The following ZNF717 variants were observed in gnomAD, a reference collection of about 807,000 sequenced individuals.
ZNF717 encodes the protein zinc finger protein 717, also known as krueppel-like factor X17.
A neutral mutation model predicts 13.8 loss-of-function variants in ZNF717; 9 were observed. That is an observed-to-expected ratio of 0.65 (90% CI 0.39 to 1.14). ZNF717 has a LOEUF of 1.14. ZNF717 is among the 50% of genes most tolerant of loss of function. ZNF717 has a pLI of 0.01. For synonymous variants in ZNF717, 327 were observed against 364.1 expected (o/e 0.90, Z 1.16); for missense variants, 1,040 against 1,080.7 (o/e 0.96, Z 0.53).
rs543990149 is a variant in ZNF717, at chr3:75,754,089, G to A, written c.58-12353C>T. 5.9e-5 allele frequency among the ~76,000 whole-genome samples: 9 copies of A among 152,338 alleles called. No individual in the cohort carries two copies. The East Asian group carries it at 1.7e-3, about 29-fold the overall frequency. On this transcript the variant is annotated intron_variant, in intron 2 of 4. Transcript: ENST00000652011. Reference sequence around the variant, plus strand: ...CTAGAGTCGTTGCGAGTGTCTGAATGTTTGACCTTCACCAAACACCAAATG... The same window carrying A: ...CTAGAGTCGTTGCGAGTGTCTGAATATTTGACCTTCACCAAACACCAAATG...
intron 6 of ZNF717, among the ~76,000 whole-genome samples, chr3:75,699,045 A>T (rs1256761633): frequency 6.6e-6 from 1 of 152,300 alleles, no homozygotes; most frequent in Non-Finnish European, 1.5e-5. Context: ...GGAGCCTTAC[A>T]ATTCAGTAAC....
In ZNF717 at chr3:75,737,740, A is replaced by C; in HGVS notation, c.1883T>G (p.Phe628Cys). 6.5e-7 allele frequency: 1 copy of C among 1,546,684 alleles called. No individual in the cohort carries two copies. Among genetic ancestry groups the C allele is most frequent in the Non-Finnish European group, 8.7e-7 (1 of 1,143,316 alleles). ...GGTGCTGAGATTTGACTTCTGACGA[A>C]AGGTTTTTCCACATTCATTACATTC... ...PYECNECGKTFRQKSNLSTHQ... is the reference protein window; with the variant it reads ...PYECNECGKTCRQKSNLSTHQ... The change falls in exon 5 of 5, where the codon TTT (phenylalanine) becomes TGT (cysteine). Residue 628 changes from phenylalanine to cysteine, a missense_variant. This residue lies in a region of ZNF717 where 873 missense variants were observed against 832.8 expected (regional missense o/e 1.05). Coordinates refer to ENST00000652011, the MANE Select transcript of ZNF717 (RefSeq NM_001290208.3).
rs1200700873 is a variant in ZNF717 at position 75,738,009 on chromosome 3, G to A, written c.1614C>T (p.Asn538=). The A allele has an allele frequency of 1.3e-5, 17 of 1,341,348 alleles. No individual in the cohort carries two copies. Among genetic ancestry groups the A allele is most frequent in the Middle Eastern group, 2.0e-4 (1 of 5,032 alleles). The allele number at this position is 1,341,348 out of a possible 1,614,324, so 83.1% of individuals were successfully genotyped here. The change falls in exon 5 of 5, where the codon AAC becomes AAT. Residue 538 remains asparagine (N), a synonymous_variant. Transcript: ENST00000652011. The part of the protein sequence containing the change: ...THAGEKPYAC[N]ECGKTYSHKS... ...TGTGGCTATATGTTTTTCCACATTC[G>A]TTACATGCGTATGGTTTTTCCCCAG...
downstream of ZNF717, among the ~76,000 whole-genome samples, chr3:75,709,018 T>TC (rs1245460691): frequency 6.6e-6 from 1 of 151,522 alleles, no homozygotes; most frequent in African/African-American, 2.4e-5. Flanking sequence ...TTTTTTTTTT[T>TC]TAGATGGATT....
chr3:75,707,472 A>G (rs139616910), downstream of ZNF717, among the ~76,000 whole-genome samples: 1,422 of 103,698 alleles, frequency 0.014, no homozygotes, highest in African/African-American at 0.018. Context: ...GGTGGGGTGG[A>G]GCCAAGATGG....
chr3:75,783,488 A>G, intron 1 of ZNF717, 124 bp from the exon 2 acceptor site: 1 of 690,108 alleles, frequency 1.4e-6, no homozygotes, highest in South Asian at 2.0e-5. Context: ...AAAAAGAAAA[A>G]CTTCCCCATG....
At chr3:75,726,935 T>C (rs1249068039), downstream of ZNF717, among the ~76,000 whole-genome samples, 2 of 152,186 alleles carry the variant, frequency 1.3e-5, no homozygotes, top group African/African-American at 2.4e-5. Context: ...ATAATGAACA[T>C]TTTAATCAAT....
intron 5 of ZNF717, chr3:75,711,451 GCTTATTTA>G (rs1415430507): frequency 6.6e-6 from 1 of 150,828 alleles, no homozygotes; most frequent in Non-Finnish European, 1.5e-5. Context: ...AAATCCATCA[GCTTATTTA>G]TTTGAGCTCT....
intron 1 of ZNF717, among the ~76,000 whole-genome samples, chr3:75,783,986 C>T (rs1346045266): frequency 6.6e-6 from 1 of 152,136 alleles, no homozygotes; most frequent in Non-Finnish European, 1.5e-5. Context: ...TGGGCTTTTC[C>T]ATCTGACTTG....
intron 2 of ZNF717, among the ~76,000 whole-genome samples, chr3:75,754,460 C>T (rs1942291547): frequency 6.6e-6 from 1 of 152,052 alleles, no homozygotes; most frequent in Non-Finnish European, 1.5e-5. Flanking sequence ...ATGCTAAGGG[C>T]TCTAATGAAT....
At chr3:75,774,200 A>AAAAAAGAAAG (rs1227599777) in intron 2 of ZNF717, among the ~76,000 whole-genome samples, 327 of 142,168 alleles carry the variant, frequency 2.3e-3, no homozygotes, top group South Asian at 0.019. Flanking sequence ...AAAAAAAAAA[A>AAAAAAGAAAG]AAAGGAAAAA....
Position 75,783,336 on chromosome 3 carries a change from G to T in ZNF717, c.27C>A (p.Phe9Leu), listed in dbSNP as rs1336920001. The change falls in exon 2 of 5, where the codon TTC becomes TTA. Residue 9 changes from phenylalanine to leucine, a missense_variant. Transcript: ENST00000652011. Reference sequence around the variant, plus strand: ...ATTTATTCTTTTCTTGTAGCTCTTGGAAACAGCCAGAGAACACTGGAAACA... The same window carrying T: ...ATTTATTCTTTTCTTGTAGCTCTTGTAAACAGCCAGAGAACACTGGAAACA... MFPVFSGCFQELQEKNKSL... is the reference protein window; with the variant it reads MFPVFSGCLQELQEKNKSL... The T allele has an allele frequency of 1.3e-6, 2 of 1,551,302 alleles. No homozygotes were observed. The highest frequency in any genetic ancestry group is 1.7e-6 in the Non-Finnish European group (2 of 1,146,708).
At chr3:75,778,101 C>G (rs552622265) in intron 2 of ZNF717, among the ~76,000 whole-genome samples, 2 of 148,050 alleles carry the variant, frequency 1.4e-5, no homozygotes, top group East Asian at 4.1e-4. Context: ...ATGGGAGTGA[C>G]GTGCTAAAAC....
At chr3:75,750,909 C>A (rs796406874) in intron 2 of ZNF717, among the ~76,000 whole-genome samples, 1 of 151,484 alleles carries the variant, frequency 6.6e-6, no homozygotes, top group African/African-American at 2.4e-5. Flanking sequence ...TTCCAGAACA[C>A]TGTTACGAGG....
chr3:75,747,142 T>C (rs1941256805), intron 2 of ZNF717, among the ~76,000 whole-genome samples: 1 of 152,084 alleles, frequency 6.6e-6, no homozygotes, highest in Admixed American at 6.5e-5. Context: ...ATTTCTTTTG[T>C]CAGGTATGTC....
chr3:75,737,486 T>C lies in ZNF717; in HGVS notation c.2137A>G (p.Ile713Val), dbSNP rs1234668431. ...MNVMNVENPF[I>V]RRQIFRSIKV... ...ATGCTTCTGAAGATTTGCCTTCTGA[T>C]GAAAGGATTTTCCACATTCATTACA... The change falls in exon 5 of 5, where the codon ATC becomes GTC. Residue 713 changes from isoleucine (I) to valine (V), a missense_variant. By Grantham distance (29) the Ile-to-Val change is conservative (BLOSUM62 3). Around this residue, in one of 3 missense-constraint regions of ZNF717, gnomAD observed 873 missense variants for 832.8 expected, o/e 1.05. Coordinates refer to ENST00000652011, the MANE Select transcript of ZNF717 (RefSeq NM_001290208.3). 1.9e-6 allele frequency: 3 copies of C among 1,554,604 alleles called. No individual in the cohort carries two copies. The highest frequency in any genetic ancestry group is 2.0e-5 in the Admixed American group (1 of 51,222).
intron 4 of ZNF717, among the ~76,000 whole-genome samples, chr3:75,739,653 A>G (rs1470766158): frequency 6.9e-6 from 1 of 144,528 alleles, no homozygotes; most frequent in Non-Finnish European, 1.5e-5. Flanking sequence ...ATAAGTGCTC[A>G]TTATTGTCAT....
chr3:75,755,315 T>G (rs1292826641), intron 2 of ZNF717, among the ~76,000 whole-genome samples: 1 of 152,282 alleles, frequency 6.6e-6, no homozygotes, highest in Non-Finnish European at 1.5e-5. Context: ...TATTCTTAAT[T>G]GATCTGACCA....
Position 75,738,766 on chromosome 3 carries a change from A to G in ZNF717, c.857T>C (p.Val286Ala). The change falls in exon 5 of 5, where the codon GTT becomes GCT. Residue 286 changes from valine to alanine, a missense_variant. Val to Ala is a moderately conservative substitution (Grantham distance 64). Coordinates refer to ENST00000652011, the MANE Select transcript of ZNF717 (RefSeq NM_001290208.3). ...THTGEKPYEC[V>A]ECEKPSISKS... is the part of the protein sequence containing the mutation. ...GCTAATGGAGGGTTTCTCACATTCA[A>G]CACATTCATAGGGTTTCTCTCCTGT... is the stretch of plus-strand genomic sequence containing the variant. 1.9e-6 allele frequency: 3 copies of G among 1,553,016 alleles called. No individual in the cohort carries two copies. Among genetic ancestry groups the G allele is most frequent in the South Asian group, 1.2e-5 (1 of 84,106 alleles).
Sources: gnomAD v4.1 joint callset for allele counts (sites outside exome capture counted in the v4.1 genomes callset) on GRCh38, gnomAD v4.1.1 for gene constraint, gnomAD v4.1.1 regional missense constraint, MANE v1.5 for transcripts, NCBI Gene and HGNC (gene_info 2026-07-23, HGNC 2026-07-21) for gene names.